The following PHOX2B variants were observed in gnomAD, a reference collection of about 807,000 sequenced individuals.
PHOX2B encodes paired mesoderm homeobox protein 2B.
A neutral mutation model predicts 15.5 loss-of-function variants in PHOX2B; 1 was observed. The ratio of observed to expected loss-of-function variants is 0.06; its 90% confidence interval spans 0.02 to 0.31. PHOX2B has a LOEUF of 0.31. Among genes scored for constraint, PHOX2B ranks in the 10% least tolerant of loss-of-function variants. The probability of loss-of-function intolerance (pLI) is 1.00; values close to 1 mark genes in which losing one functional copy is unlikely to be tolerated. For synonymous variants in PHOX2B, 206 were observed against 190.5 expected (o/e 1.08, Z -0.67); for missense variants, 314 against 436.4 (o/e 0.72, Z 2.50).
Position 41,746,138 on chromosome 4 carries a change from G to C in PHOX2B, c.614C>G (p.Thr205Ser). The C allele has an allele frequency of 6.2e-7, 1 of 1,606,388 alleles. No individual in the cohort carries two copies. The highest frequency in any genetic ancestry group is 8.5e-7 in the Non-Finnish European group (1 of 1,177,880). The change falls in exon 3 of 3, where the codon ACC becomes AGC. Residue 205 changes from threonine to serine, a missense_variant. Around this residue, in one of 7 missense-constraint regions of PHOX2B, gnomAD observed 157 missense variants for 169.0 expected, o/e 0.93. Transcript: ENST00000226382. ...TGGPGPNPNP[T>S]PSCGANGGGG... is the part of the protein sequence containing the mutation. ...GCCTCCATTCGCCCCGCAGCTGGGG[G>C]TGGGGTTGGGATTGGGACCTGGGCC...
In PHOX2B at chr4:41,744,522, A is replaced by G. The variant is rs1414399707; in HGVS notation, c.*1285T>C. 4 of 233,268 alleles carry G rather than the reference A, an allele frequency of 1.7e-5. No individual in the cohort carries two copies. The highest frequency in any genetic ancestry group is 3.4e-5 in the Non-Finnish European group (4 of 117,860). The allele number at this position is 233,268 out of a possible 1,614,324, so 14.4% of individuals were successfully genotyped here. A position where few individuals can be genotyped will look rare whatever the true frequency, so the allele number is the denominator to read the frequency against. ...CGAAAAAGTTAAAGCCTCAACATTC[A>G]ACTAATATCTAGAGTTTGTGCCTTT... On this transcript the variant is annotated 3_prime_UTR_variant, in exon 3 of 3. Coordinates refer to ENST00000226382, the MANE Select transcript of PHOX2B (RefSeq NM_003924.4).
At chr4:41,747,625 G>T in intron 1 of PHOX2B, 89 bp from the exon 2 acceptor site, 1 of 1,084,582 alleles carries the variant, frequency 9.2e-7, no homozygotes, top group Non-Finnish European at 1.4e-6. Context: ...CCAAGGTCAG[G>T]TCATACGGCA....
chr4:41,747,224 C>T (rs1577560015), intron 2 of PHOX2B, 125 bp downstream of exon 2: 2 of 737,150 alleles, frequency 2.7e-6, no homozygotes, highest in East Asian at 2.6e-5. Flanking sequence ...TATTTCTGAT[C>T]GGCCATGGGG....
In PHOX2B at chr4:41,745,765, C is replaced by T. The variant is rs756546457; in HGVS notation, c.*42G>A. The T allele has an allele frequency of 1.9e-6, 3 of 1,579,664 alleles. No homozygotes were observed. Among genetic ancestry groups the T allele is most frequent in the Non-Finnish European group, 2.6e-6 (3 of 1,164,968 alleles). ...CCACTCGCCCGCCCGGGCCCTGGCT[C>T]GCCCGCTGTCGCCGCCGCCGCCGCC... On this transcript the variant is annotated 3_prime_UTR_variant, in exon 3 of 3. Transcript: ENST00000226382. This position sits in a 1 kb window ranked among gnomAD's most constrained non-coding sequence, Gnocchi z 4.0.
rs989877179 is a variant in PHOX2B at position 41,745,738 on chromosome 4, G to T, written c.*69C>A. The T allele has an allele frequency of 4.9e-5, 76 of 1,544,924 alleles. No individual in the cohort carries two copies. The African/African-American group carries it at 8.2e-4, about 17-fold the overall frequency. ...ACAATAGCCTTGGGCCTACCCGCTC[G>T]CCCACTCGCCCGCCCGGGCCCTGGC... On this transcript the variant is annotated 3_prime_UTR_variant, in exon 3 of 3. Transcript: ENST00000226382. This position sits in a 1 kb window ranked among gnomAD's most constrained non-coding sequence, Gnocchi z 4.0.
Position 41,745,710 on chromosome 4 carries a change from A to T in PHOX2B, c.*97T>A. ...CAATGAAAAAGCCATGGCAGCAGCG[A>T]CGACAATAGCCTTGGGCCTACCCGC... On this transcript the variant is annotated 3_prime_UTR_variant, in exon 3 of 3. Coordinates refer to ENST00000226382, the MANE Select transcript of PHOX2B (RefSeq NM_003924.4). This position sits in a 1 kb window ranked among gnomAD's most constrained non-coding sequence, Gnocchi z 4.0. 6.9e-7 allele frequency: 1 copy of T among 1,453,420 alleles called. No individual in the cohort carries two copies. Among genetic ancestry groups the T allele is most frequent in the Non-Finnish European group, 9.2e-7 (1 of 1,084,778 alleles). The allele number at this position is 1,453,420 out of a possible 1,614,324, so 90.0% of individuals were successfully genotyped here. A position where few individuals can be genotyped will look rare whatever the true frequency, so the allele number is the denominator to read the frequency against.
Position 41,744,345 on chromosome 4 carries a change from A to G in PHOX2B, c.*1462T>C, listed in dbSNP as rs1733819085. On this transcript the variant is annotated 3_prime_UTR_variant, in exon 3 of 3. Coordinates refer to ENST00000226382, the MANE Select transcript of PHOX2B (RefSeq NM_003924.4). ...GAACCGTGGCCTCTCTAAACACAAA[A>G]GATTGAACCCGTGAGAACCTTATTA... 8.7e-6 allele frequency: 2 copies of G among 229,498 alleles called. No individual in the cohort carries two copies. Among genetic ancestry groups the G allele is most frequent in the African/African-American group, 4.4e-5 (2 of 45,082 alleles). 14.2% of individuals were successfully genotyped at this position (229,498 alleles called of 1,614,324 possible).
intron 2 of PHOX2B, 137 bp downstream of exon 2, chr4:41,747,212 A>G: frequency 2.9e-6 from 2 of 698,344 alleles, no homozygotes. Flanking sequence ...CACCAAATCC[A>G]GTATTTCTGA....
rs920788258 is a variant in PHOX2B at position 41,744,553 on chromosome 4, T to C, written c.*1254A>G. 1 of 233,362 alleles carries C rather than the reference T, an allele frequency of 4.3e-6. No homozygotes were observed. The highest frequency in any genetic ancestry group is 8.5e-6 in the Non-Finnish European group (1 of 117,870). The allele number at this position is 233,362 out of a possible 1,614,324, so 14.5% of individuals were successfully genotyped here. A position where few individuals can be genotyped will look rare whatever the true frequency, so the allele number is the denominator to read the frequency against. ...TATCTAGAGTTTGTGCCTTTTAAAA[T>C]AAAAACAACAACAAAGAATCAAAAC... On this transcript the variant is annotated 3_prime_UTR_variant, in exon 3 of 3. Coordinates refer to ENST00000226382, the MANE Select transcript of PHOX2B (RefSeq NM_003924.4).
In PHOX2B at chr4:41,746,250, T is replaced by C; in HGVS notation, c.502A>G (p.Lys168Glu). Reference sequence around the variant, plus strand: ...GACTTTTTGCCCGAGGAGCCGTTCTTGGCCGCGGCCGCTGCGGCTGCCGCT... The same window carrying C: ...GACTTTTTGCCCGAGGAGCCGTTCTCGGCCGCGGCCGCTGCGGCTGCCGCT... ...RAAAAAAAAA[K>E]NGSSGKKSDS... is the part of the protein sequence containing the mutation. Residue 168 changes from lysine (K) to glutamate (E), a missense_variant, in exon 3 of 3, where the codon AAG (lysine) becomes GAG (glutamate). Coordinates refer to ENST00000226382, the MANE Select transcript of PHOX2B (RefSeq NM_003924.4). 1 of 1,613,652 alleles carries C rather than the reference T, an allele frequency of 6.2e-7. No individual in the cohort carries two copies. The highest frequency in any genetic ancestry group is 8.5e-7 in the Non-Finnish European group (1 of 1,179,832).
Position 41,748,547 on chromosome 4 carries a change from C to A in PHOX2B, c.64G>T (p.Asp22Tyr). 6.2e-7 allele frequency: 1 copy of A among 1,613,806 alleles called. No individual in the cohort carries two copies. Among genetic ancestry groups the A allele is most frequent in the Non-Finnish European group, 8.5e-7 (1 of 1,179,716 alleles). ...TAGGCTGAAGCCAGGCTCGAGGTGTCCATCCCAGCCATACAGGACTCGTAG... is the reference window on the plus strand; with the variant it reads ...TAGGCTGAAGCCAGGCTCGAGGTGTACATCCCAGCCATACAGGACTCGTAG... ...SAYESCMAGM[D>Y]TSSLASAYAD... The change falls in exon 1 of 3, where the codon GAC becomes TAC. Residue 22 changes from aspartate to tyrosine, a missense_variant. Physicochemically the swap from Asp to Tyr is radical, Grantham distance 160. Coordinates refer to ENST00000226382, the MANE Select transcript of PHOX2B (RefSeq NM_003924.4).
intron 1 of PHOX2B, chr4:41,747,766 T>C (rs73233730): frequency 7.5e-4 from 514 of 689,172 alleles, no homozygotes; most frequent in Non-Finnish European, 1.1e-3. Flanking sequence ...CAAGCGCCTT[T>C]GGGTGGATTG....
chr4:41,745,619 G>A lies in PHOX2B; in HGVS notation c.*188C>T, dbSNP rs2153112709. 4.6e-6 allele frequency: 3 copies of A among 649,196 alleles called. No individual in the cohort carries two copies. The highest frequency in any genetic ancestry group is 1.9e-5 in the African/African-American group (1 of 52,292). The allele number at this position is 649,196 out of a possible 1,614,324, so 40.2% of individuals were successfully genotyped here. A position where few individuals can be genotyped will look rare whatever the true frequency, so the allele number is the denominator to read the frequency against. ...TGTTTGGGGGTTGAGGAAGGGGGTA[G>A]GAGTGGGGTTGAAATGAGGGCGACG... is the stretch of plus-strand genomic sequence containing the variant. On this transcript the variant is annotated 3_prime_UTR_variant, in exon 3 of 3. Coordinates refer to ENST00000226382, the MANE Select transcript of PHOX2B (RefSeq NM_003924.4). The surrounding 1 kb of genome is among the most constrained non-coding windows in gnomAD (Gnocchi z 4.0).
rs1477680896 is a variant in PHOX2B, at chr4:41,747,503, A to G, written c.275T>C (p.Leu92Pro). Residue 92 changes from leucine (L) to proline (P), a missense_variant, in exon 2 of 3, where the codon CTC (leucine) becomes CCC (proline). Physicochemically the swap from Leu to Pro is moderately conservative, Grantham distance 98 (BLOSUM62 -3). Transcript: ENST00000226382. ...PYKLFTDHGGLNEKRKQRRIR... is the reference protein window; with the variant it reads ...PYKLFTDHGGPNEKRKQRRIR... ...GCGCCGCTGCTTGCGCTTCTCGTTGAGGCCGCCGTGGTCCGTGAAGAGTTT... is the reference window on the plus strand; with the variant it reads ...GCGCCGCTGCTTGCGCTTCTCGTTGGGGCCGCCGTGGTCCGTGAAGAGTTT... 2 of 1,609,662 alleles carry G rather than the reference A, an allele frequency of 1.2e-6. No individual in the cohort carries two copies. The highest frequency in any genetic ancestry group is 1.7e-6 in the Non-Finnish European group (2 of 1,179,936).
Position 41,746,113 on chromosome 4 carries a change from G to GCCT in PHOX2B, c.636_638dup (p.Gly217dup), listed in dbSNP as rs764345783. ...CAGCCGGGCTGGGCCCGCCGCCGCC[G>GCCT]CCTCCATTCGCCCCGCAGCTGGGGG... On this transcript the variant is annotated inframe_insertion, in exon 3 of 3. Coordinates refer to ENST00000226382, the MANE Select transcript of PHOX2B (RefSeq NM_003924.4). 1 of 1,583,966 alleles carries GCCT rather than the reference G, an allele frequency of 6.3e-7. No individual in the cohort carries two copies. The highest frequency in any genetic ancestry group is 1.1e-5 in the South Asian group (1 of 88,420).
At position 41,744,098 on chromosome 4, in the gene PHOX2B, T is replaced by C. The variant is rs1733813341; in HGVS notation, c.*1709A>G. On this transcript the variant is annotated 3_prime_UTR_variant, in exon 3 of 3. Coordinates refer to ENST00000226382, the MANE Select transcript of PHOX2B (RefSeq NM_003924.4). ...TTCAATTGCTAGACTTGCTTTTTGT[T>C]TTTATTATCAACAATCAAGTTAATG... The C allele has an allele frequency of 5.4e-6, 1 of 184,972 alleles. No homozygotes were observed. Among genetic ancestry groups the C allele is most frequent in the Non-Finnish European group, 1.1e-5 (1 of 87,114 alleles). The allele number at this position is 184,972 out of a possible 1,614,324, so 11.5% of individuals were successfully genotyped here.
At chr4:41,746,996 T>TG (rs1302302556) in intron 2 of PHOX2B, among the ~76,000 whole-genome samples, 17 of 145,076 alleles carry the variant, frequency 1.2e-4, no homozygotes, top group African/African-American at 4.1e-4. Flanking sequence ...GGCATTTTTT[T>TG]GGGGGGCGGG....
Position 41,745,999 on chromosome 4 carries a change from C to T in PHOX2B, c.753G>A (p.Ala251=), listed in dbSNP as rs776800047. The T allele has an allele frequency of 8.5e-7, 1 of 1,174,412 alleles. No individual in the cohort carries two copies. Among genetic ancestry groups the T allele is most frequent in the Non-Finnish European group, 1.1e-6 (1 of 949,672 alleles). 72.7% of individuals were successfully genotyped at this position (1,174,412 alleles called of 1,614,324 possible). The part of the protein sequence containing the change: ...AAAAAAAAAA[A]AAAAAAAAAG... ...CTGCCGCCGCTGCCGCTGCCGCCGC[C>T]GCCGCTGCCGCGGCCGCCGCCGCTG... Residue 251 remains alanine (A), a synonymous_variant, in exon 3 of 3, where the codon GCG becomes GCA. Transcript: ENST00000226382. The surrounding 1 kb of genome is among the most constrained non-coding windows in gnomAD (Gnocchi z 4.0).
chr4:41,746,059 G>C lies in PHOX2B; in HGVS notation c.693C>G (p.Gly231=), dbSNP rs1298812842. 2 of 1,349,972 alleles carry C rather than the reference G, an allele frequency of 1.5e-6. No homozygotes were observed. The highest frequency in any genetic ancestry group is 1.9e-5 in the South Asian group (1 of 52,536). 83.6% of individuals were successfully genotyped at this position (1,349,972 alleles called of 1,614,324 possible). A position where few individuals can be genotyped will look rare whatever the true frequency, so the allele number is the denominator to read the frequency against. ...AGAPGAAGPG[G]PGGEPGKGGA... is the part of the protein sequence containing the mutation. ...CGCCCTTGCCGGGTTCGCCTCCCGG[G>C]CCCCCGGGCCCCGCCGCCCCCGGAG... is the stretch of plus-strand genomic sequence containing the variant. Residue 231 remains glycine (G), a synonymous_variant, in exon 3 of 3, where the codon GGC becomes GGG. Transcript: ENST00000226382.
Sources: allele counts gnomAD v4.1 joint callset (sites outside exome capture counted in the v4.1 genomes callset), GRCh38; gene constraint gnomAD v4.1.1; regional missense constraint gnomAD v4.1.1; non-coding constraint Gnocchi (gnomAD v3.1); transcripts MANE v1.5; gene names NCBI Gene and HGNC (gene_info 2026-07-23, HGNC 2026-07-21).